The following SCD5 variants were observed in gnomAD, a reference collection of about 807,000 sequenced individuals.
SCD5 encodes the protein acyl-CoA-desaturase 4.
A neutral mutation model predicts 30.4 loss-of-function variants in SCD5; 20 were observed. The observed-to-expected ratio is 0.66, with a 90% confidence interval of 0.46 to 0.96. The LOEUF is 0.96. SCD5 is among the 40% of genes least tolerant of loss of function. The probability of loss-of-function intolerance (pLI) is 0.00; values close to 1 mark genes in which losing one functional copy is unlikely to be tolerated. For missense variants in SCD5, 381 were observed against 443.3 expected, an observed-to-expected ratio of 0.86 and a Z score of 1.26; for synonymous variants, 173 against 176.4, an observed-to-expected ratio of 0.98 and a Z score of 0.16.
At chr4:82,746,960 G>GACACAA (rs1332319750) in intron 1 of SCD5, among the ~76,000 whole-genome samples, 2 of 23,196 alleles carry the variant, frequency 8.6e-5, no homozygotes, top group Non-Finnish European at 4.4e-4. Flanking sequence ...AAGGGCGTCA[G>GACACAA]GGGGAGAGGA....
At chr4:82,747,010 GAC>G (rs1721002998) in intron 1 of SCD5, among the ~76,000 whole-genome samples, 1 of 150,174 alleles carries the variant, frequency 6.7e-6, no homozygotes, top group South Asian at 2.1e-4. Context: ...ACAGTGGAAT[GAC>G]ACAGGCACCA....
At chr4:82,648,076 A>C (rs1032847682) in intron 3 of SCD5, among the ~76,000 whole-genome samples, 4 of 152,340 alleles carry the variant, frequency 2.6e-5, no homozygotes, top group African/African-American at 9.6e-5. Flanking sequence ...TGTGGGAGGC[A>C]GGGGAGGTGA....
intron 1 of SCD5, 58 bp downstream of exon 1, chr4:82,798,248 C>G: frequency 7.7e-7 from 1 of 1,305,072 alleles, no homozygotes. Flanking sequence ...CGACCTCGCG[C>G]GCCCCAGCGC....
chr4:82,774,700 G>C (rs973809311), intron 1 of SCD5, among the ~76,000 whole-genome samples: 1 of 152,150 alleles, frequency 6.6e-6, no homozygotes, highest in Non-Finnish European at 1.5e-5. Context: ...CAGCATGTAA[G>C]AGGAATTTAC....
intron 3 of SCD5, among the ~76,000 whole-genome samples, chr4:82,665,051 T>TATATAC (rs1296922624): frequency 2.5e-5 from 2 of 80,410 alleles, no homozygotes; most frequent in African/African-American, 4.7e-5. Flanking sequence ...CACACATATA[T>TATATAC]ACACACACAC....
At chr4:82,654,628 T>A (rs1727831041) in intron 3 of SCD5, among the ~76,000 whole-genome samples, 1 of 152,188 alleles carries the variant, frequency 6.6e-6, no homozygotes, top group Non-Finnish European at 1.5e-5. Flanking sequence ...TGGCTCTCCA[T>A]CAGGACCCCT....
chr4:82,730,097 CTTGT>C (rs1366498219), intron 1 of SCD5, among the ~76,000 whole-genome samples: 2 of 151,734 alleles, frequency 1.3e-5, no homozygotes, highest in African/African-American at 4.8e-5. Context: ...TGTTAATAAA[CTTGT>C]TTATGTTTCT....
At chr4:82,720,325 C>T (rs959534785) in intron 1 of SCD5, among the ~76,000 whole-genome samples, 2 of 150,156 alleles carry the variant, frequency 1.3e-5, no homozygotes, top group African/African-American at 4.9e-5. Flanking sequence ...CCCAGCTACT[C>T]GGGAAGCTGA....
rs764059872 is a variant in SCD5 at position 82,712,386 on chromosome 4, C to T, written c.233-6973G>A. Among the ~76,000 whole-genome samples the T allele has an allele frequency of 1.3e-4, 19 of 144,466 alleles. No homozygotes were observed. In the South Asian group the frequency reaches 1.6e-3, roughly 12 times the overall value. The allele number at this position is 144,466 out of a possible 152,430, so 94.8% of individuals were successfully genotyped here. ...AGGCTGGAGTGCAATGGCGTGATCTCGGCTTATTGCAACCTCTGCCTCCCG... is the reference window on the plus strand; with the variant it reads ...AGGCTGGAGTGCAATGGCGTGATCTTGGCTTATTGCAACCTCTGCCTCCCG... On this transcript the variant is annotated intron_variant, in intron 1 of 4. Transcript: ENST00000319540.
chr4:82,691,651 G>A (rs1728839455), intron 2 of SCD5: 1 of 152,148 alleles, frequency 6.6e-6, no homozygotes, highest in East Asian at 1.9e-4. Flanking sequence ...GATAGCCTCA[G>A]GATGGGAGCA....
chr4:82,694,730 C>A (rs140071340), intron 2 of SCD5, among the ~76,000 whole-genome samples: 63 of 152,152 alleles, frequency 4.1e-4, no homozygotes, highest in African/African-American at 1.3e-3. Flanking sequence ...GGAAGTGGAT[C>A]ATCATAAAGG....
At chr4:82,655,413 G>A (rs1727849618) in intron 3 of SCD5, among the ~76,000 whole-genome samples, 1 of 152,192 alleles carries the variant, frequency 6.6e-6, no homozygotes, top group South Asian at 2.1e-4. Flanking sequence ...CATTAGTCAG[G>A]GGTGTGTTAG....
intron 1 of SCD5, among the ~76,000 whole-genome samples, chr4:82,735,023 C>T (rs1042444297): frequency 6.6e-6 from 1 of 152,140 alleles, no homozygotes; most frequent in Non-Finnish European, 1.5e-5. Flanking sequence ...CCCACCTCAG[C>T]CTCCCAAAGT....
At chr4:82,748,266 T>C (rs952262246) in intron 1 of SCD5, among the ~76,000 whole-genome samples, 3 of 152,062 alleles carry the variant, frequency 2.0e-5, no homozygotes, top group Non-Finnish European at 2.9e-5. Flanking sequence ...AGGGAAACAC[T>C]TGCCCCTGGG....
intron 3 of SCD5, among the ~76,000 whole-genome samples, chr4:82,640,364 A>C (rs1727517248): frequency 6.6e-6 from 1 of 152,130 alleles, no homozygotes; most frequent in African/African-American, 2.4e-5. Flanking sequence ...GTCCAGGCAC[A>C]TTGCCTCTTC....
chr4:82,764,422 C>T (rs961411497), intron 1 of SCD5, among the ~76,000 whole-genome samples: 1 of 152,130 alleles, frequency 6.6e-6, no homozygotes, highest in Non-Finnish European at 1.5e-5. Flanking sequence ...TCCTTTTCTG[C>T]TTTCTGTGAA....
At chr4:82,705,099 C>T (rs1719940378) in intron 2 of SCD5, among the ~76,000 whole-genome samples, 184 bp downstream of exon 2, 2 of 152,238 alleles carry the variant, frequency 1.3e-5, no homozygotes, top group South Asian at 4.1e-4. Flanking sequence ...AAAACCCCCC[C>T]AGGGGACATT....
chr4:82,664,485 A>C (rs752238545), intron 3 of SCD5, among the ~76,000 whole-genome samples: 2 of 152,222 alleles, frequency 1.3e-5, no homozygotes, highest in Non-Finnish European at 2.9e-5. Context: ...AAAGTAATTA[A>C]TAGAACCATT....
At chr4:82,687,716 A>G (rs961951421) in intron 2 of SCD5, among the ~76,000 whole-genome samples, 1 of 152,188 alleles carries the variant, frequency 6.6e-6, no homozygotes, top group African/African-American at 2.4e-5. Context: ...GAAATTGACC[A>G]TGAGGTGATT....
Sources: allele counts gnomAD v4.1 joint callset (sites outside exome capture counted in the v4.1 genomes callset), GRCh38; gene constraint gnomAD v4.1.1; transcripts MANE v1.5; gene names NCBI Gene and HGNC (gene_info 2026-07-23, HGNC 2026-07-21).